HTT: variants seen among roughly 807,000 people sequenced by gnomAD.
HTT encodes the protein huntingtin, also known as huntington disease protein.
A neutral mutation model predicts 362.3 loss-of-function variants in HTT; 104 were observed. The ratio of observed to expected loss-of-function variants is 0.29; its 90% CI spans 0.24 to 0.34. The LOEUF is 0.34. Ranked by LOEUF, HTT falls within the 10% of genes least tolerant of loss-of-function variation. HTT has a pLI of 1.00. For synonymous variants in HTT, 1,577 were observed against 1,548.7 expected (o/e 1.02, Z -0.43); for missense variants, 3,301 against 3,928.6 (o/e 0.84, Z 4.27).
intron 40 of HTT, among the ~76,000 whole-genome samples, chr4:3,194,217 C>T (rs1167442637): frequency 2.6e-5 from 4 of 151,606 alleles, no homozygotes; most frequent in Non-Finnish European, 5.9e-5. Flanking sequence ...TAAATAATAC[C>T]TGGTTCAGGA....
intron 37 of HTT, among the ~76,000 whole-genome samples, chr4:3,185,516 G>A (rs1718719336): frequency 6.6e-6 from 1 of 152,212 alleles, no homozygotes. Context: ...ACACTCAGTA[G>A]AAACAAAAAT....
chr4:3,137,755 A>G (rs1447224140), intron 21 of HTT, among the ~76,000 whole-genome samples: 2 of 152,314 alleles, frequency 1.3e-5, no homozygotes, highest in South Asian at 2.1e-4. Flanking sequence ...CATAGTATAG[A>G]TGGACTTTTG....
At chr4:3,191,317 G>A (rs1719004148) in intron 40 of HTT, among the ~76,000 whole-genome samples, 1 of 151,978 alleles carries the variant, frequency 6.6e-6, no homozygotes, top group Admixed American at 6.6e-5. Context: ...GGGATTACGG[G>A]CATGCACCAC....
At chr4:3,143,912 TATA>T (rs1716474918) in intron 23 of HTT, among the ~76,000 whole-genome samples, 1 of 152,180 alleles carries the variant, frequency 6.6e-6, no homozygotes. Context: ...CTTACATTTT[TATA>T]ATAAGAATTT....
intron 36 of HTT, among the ~76,000 whole-genome samples, chr4:3,181,105 C>T (rs1033931008): frequency 7.2e-5 from 11 of 151,822 alleles, no homozygotes; most frequent in Non-Finnish European, 1.2e-4. Flanking sequence ...CTGTTTCGAA[C>T]TCCTGACCTC....
intron 2 of HTT, among the ~76,000 whole-genome samples, chr4:3,088,860 C>T (rs907335990): frequency 2.0e-5 from 3 of 151,992 alleles, no homozygotes; most frequent in Non-Finnish European, 4.4e-5. Context: ...TTGTGAAATA[C>T]TGTGTATGAT....
chr4:3,167,503 AT>A (rs147263013), intron 29 of HTT, among the ~76,000 whole-genome samples: 5,687 of 152,288 alleles, frequency 0.037, 307 homozygotes, highest in African/African-American at 0.12. Context: ...TGAACGTGAG[AT>A]TATACTGAAA....
chr4:3,087,989 T>TA (rs1256336379), intron 2 of HTT, among the ~76,000 whole-genome samples: 27 of 152,230 alleles, frequency 1.8e-4, no homozygotes, highest in African/African-American at 6.0e-4. Flanking sequence ...TAGCTGGAGT[T>TA]ACAGGCATGT....
At chr4:3,075,725 G>A (rs1322265055) in intron 1 of HTT, among the ~76,000 whole-genome samples, 1 of 151,360 alleles carries the variant, frequency 6.6e-6, no homozygotes, top group African/African-American at 2.4e-5. Context: ...CCTGAGATTT[G>A]AGGCTCTTCC....
At chr4:3,101,066 C>T (rs1714128112) in intron 3 of HTT, among the ~76,000 whole-genome samples, 1 of 152,134 alleles carries the variant, frequency 6.6e-6, no homozygotes, top group Non-Finnish European at 1.5e-5. Flanking sequence ...TCCTCAGAGT[C>T]AGAAAATCTA....
At chr4:3,175,640 C>G (rs934254725) in intron 33 of HTT, among the ~76,000 whole-genome samples, 1 of 152,180 alleles carries the variant, frequency 6.6e-6, no homozygotes, top group Non-Finnish European at 1.5e-5. Context: ...TGCACGCTTC[C>G]CCTCTTGACT....
intron 2 of HTT, among the ~76,000 whole-genome samples, chr4:3,087,688 A>G (rs918332791): frequency 2.0e-5 from 3 of 152,200 alleles, no homozygotes; most frequent in Non-Finnish European, 4.4e-5. Flanking sequence ...TGTTACCCAC[A>G]TGGGCATGCG....
At chr4:3,238,753 CAG>C in intron 65 of HTT, 63 bp from the exon 66 acceptor site, 28 of 1,215,936 alleles carry the variant, frequency 2.3e-5, no homozygotes, top group Non-Finnish European at 3.1e-5. Flanking sequence ...CCCCGCCACC[CAG>C]GCGCAGCAGG....
At chr4:3,104,968 C>T (rs375780081) in intron 4 of HTT, among the ~76,000 whole-genome samples, 6 of 152,282 alleles carry the variant, frequency 3.9e-5, no homozygotes, top group African/African-American at 4.8e-5. Flanking sequence ...GTCTATGATC[C>T]CTCTGCTGTG....
At chr4:3,151,478 C>T (rs1406154180) in intron 26 of HTT, among the ~76,000 whole-genome samples, 1 of 152,084 alleles carries the variant, frequency 6.6e-6, no homozygotes, top group East Asian at 1.9e-4. Context: ...GGTGCTCAAC[C>T]ATTAGAAACT....
At chr4:3,146,142 A>C (rs1164959125) in intron 24 of HTT, among the ~76,000 whole-genome samples, 1 of 152,174 alleles carries the variant, frequency 6.6e-6, no homozygotes, top group Non-Finnish European at 1.5e-5. Context: ...TATGAGTTCT[A>C]TTCTCCATAT....
intron 2 of HTT, 135 bp downstream of exon 2, chr4:3,087,157 T>A (rs915435008): frequency 3.8e-6 from 2 of 531,780 alleles, no homozygotes; most frequent in Admixed American, 6.5e-5. Flanking sequence ...AGGACCCTTT[T>A]CCCATATTTC....
At chr4:3,201,967 C>T (rs894931301) in intron 41 of HTT, among the ~76,000 whole-genome samples, 5 of 152,208 alleles carry the variant, frequency 3.3e-5, no homozygotes, top group Non-Finnish European at 5.9e-5. Flanking sequence ...TGTGCATCTC[C>T]TCTCAGGCTG....
Position 3,239,021 on chromosome 4 carries a change from C to G in HTT, c.9215+43C>G, listed in dbSNP as rs761095508. ...CTGGTGCTGGCCCCGTTTCCCTTGT[C>G]AACACCGAGGCTCATGTTTCATGAT... On this transcript the variant is annotated intron_variant, in intron 66 of 66. Coordinates refer to ENST00000355072, the MANE Select transcript of HTT (RefSeq NM_001388492.1). The G allele has an allele frequency of 1.9e-6, 3 of 1,554,560 alleles. 1 individual carries two copies. The Admixed American group carries it at 5.6e-5, about 29-fold the overall frequency.
Sources: gnomAD v4.1 joint callset for allele counts (sites outside exome capture counted in the v4.1 genomes callset) on GRCh38, gnomAD v4.1.1 for gene constraint, MANE v1.5 for transcripts, NCBI Gene and HGNC (gene_info 2026-07-23, HGNC 2026-07-21) for gene names.